HSDL1: variants seen among roughly 807,000 people sequenced by gnomAD.
The protein encoded by HSDL1 is hydroxysteroid dehydrogenase like 1.
In HSDL1, 29 loss-of-function variants were observed where a neutral mutation model predicts 31.5. The ratio of observed to expected loss-of-function variants is 0.92; its 90% confidence interval spans 0.69 to 1.26. The LOEUF (loss-of-function observed/expected upper bound fraction) is 1.26, where lower values mean the gene tolerates loss of function less well. Ranked by LOEUF, HSDL1 falls within the 50% of genes most tolerant of loss-of-function variation. HSDL1 has a pLI of 0.00. For missense variants in HSDL1, 503 were observed against 416.6 expected (o/e 1.21, Z -1.81); for synonymous variants, 222 against 155.2 (o/e 1.43, Z -3.20).
At chr16:84,137,600 C>T (rs1485655510) in intron 1 of HSDL1, among the ~76,000 whole-genome samples, 3 of 152,198 alleles carry the variant, frequency 2.0e-5, no homozygotes, top group Non-Finnish European at 2.9e-5. Context: ...CTCTGCTGCT[C>T]CTCAGCCTTG....
intron 1 of HSDL1, among the ~76,000 whole-genome samples, chr16:84,140,409 T>C (rs187743830): frequency 5.3e-4 from 81 of 152,064 alleles, no homozygotes; most frequent in Admixed American, 5.0e-3. Flanking sequence ...GGACTACAGG[T>C]GCCCTCCACC....
chr16:84,138,141 A>G (rs940986882), intron 1 of HSDL1, among the ~76,000 whole-genome samples: 4 of 152,222 alleles, frequency 2.6e-5, no homozygotes, highest in African/African-American at 9.7e-5. Context: ...AGTTCATGGT[A>G]TTTTGTTATA....
intron 1 of HSDL1, among the ~76,000 whole-genome samples, chr16:84,137,874 C>A (rs1034810816): frequency 6.6e-6 from 1 of 152,230 alleles, no homozygotes; most frequent in Non-Finnish European, 1.5e-5. Context: ...AGATAACAAG[C>A]CTCGTCAAAG....
intron 5 of HSDL1, among the ~76,000 whole-genome samples, chr16:84,128,851 G>C (rs2086633930): frequency 6.6e-6 from 1 of 151,892 alleles, no homozygotes; most frequent in Non-Finnish European, 1.5e-5. Flanking sequence ...GGGACTACAG[G>C]CACACACCAC....
chr16:84,130,802 A>C (rs1330455356), intron 3 of HSDL1, among the ~76,000 whole-genome samples: 1 of 152,208 alleles, frequency 6.6e-6, no homozygotes. Flanking sequence ...TGAAAGTGGC[A>C]ACACTTTCAA....
At chr16:84,128,669 A>G (rs1273673432) in intron 5 of HSDL1, among the ~76,000 whole-genome samples, 3 of 151,472 alleles carry the variant, frequency 2.0e-5, no homozygotes, top group Non-Finnish European at 4.4e-5. Context: ...GTAAATACTT[A>G]GTATTTTTAT....
chr16:84,126,742 A>C (rs117694670), intron 5 of HSDL1, among the ~76,000 whole-genome samples: 1 of 152,090 alleles, frequency 6.6e-6, no homozygotes, highest in Non-Finnish European at 1.5e-5. Flanking sequence ...ACACCCACAC[A>C]CACACACACT....
At chr16:84,127,109 T>A (rs1273586331) in intron 5 of HSDL1, among the ~76,000 whole-genome samples, 1 of 152,076 alleles carries the variant, frequency 6.6e-6, no homozygotes, top group Non-Finnish European at 1.5e-5. Flanking sequence ...TCTAAAAAAA[T>A]TTTATGGTCA....
chr16:84,139,883 T>C (rs553894633), intron 1 of HSDL1, among the ~76,000 whole-genome samples: 7 of 152,246 alleles, frequency 4.6e-5, no homozygotes, highest in South Asian at 2.1e-4. Context: ...GCTGTTTTCA[T>C]TGATGAAAAC....
intron 5 of HSDL1, among the ~76,000 whole-genome samples, chr16:84,128,058 G>C (rs1597372435): frequency 6.6e-6 from 1 of 150,934 alleles, no homozygotes; most frequent in East Asian, 2.0e-4. Context: ...GGAGGCCAAG[G>C]CGGGTGGATC....
chr16:84,141,170 T>C (rs76098153), intron 1 of HSDL1, among the ~76,000 whole-genome samples: 37 of 152,316 alleles, frequency 2.4e-4, no homozygotes, highest in African/African-American at 7.9e-4. Flanking sequence ...ATGGACCCTT[T>C]GGTGACTTGT....
At chr16:84,127,770 G>A (rs2086623659) in intron 5 of HSDL1, among the ~76,000 whole-genome samples, 1 of 147,240 alleles carries the variant, frequency 6.8e-6, no homozygotes, top group Non-Finnish European at 1.5e-5. Context: ...CCAGGCTGGA[G>A]TGCAGTGGTG....
At chr16:84,134,126 G>A (rs563039961) in intron 2 of HSDL1, among the ~76,000 whole-genome samples, 3 of 152,140 alleles carry the variant, frequency 2.0e-5, no homozygotes, top group East Asian at 1.9e-4. Flanking sequence ...CCCCCCTTCA[G>A]TGTAGCGAAC....
chr16:84,127,619 T>C (rs905906698), intron 5 of HSDL1, among the ~76,000 whole-genome samples: 11 of 149,966 alleles, frequency 7.3e-5, no homozygotes, highest in Admixed American at 6.0e-4. Context: ...ATACTCTTCA[T>C]GCAAACAGTC....
At chr16:84,136,562 A>G (rs532132944) in intron 1 of HSDL1, among the ~76,000 whole-genome samples, 1 of 152,328 alleles carries the variant, frequency 6.6e-6, no homozygotes, top group African/African-American at 2.4e-5. Context: ...CCTTTACAGA[A>G]AGAAAAGCTT....
intron 1 of HSDL1, among the ~76,000 whole-genome samples, chr16:84,143,146 C>T (rs1482885101): frequency 6.6e-6 from 1 of 152,220 alleles, no homozygotes; most frequent in Non-Finnish European, 1.5e-5. Flanking sequence ...AAAACTCCTG[C>T]TTGCATGTTC....
Position 84,124,621 on chromosome 16 carries a change from C to T in HSDL1, c.*9G>A. ...GAGTTGGCAAAACTTCTCAAGTGGCCATCCAGACTCAGGCTGTGCAGGATA... is the reference window on the plus strand; with the variant it reads ...GAGTTGGCAAAACTTCTCAAGTGGCTATCCAGACTCAGGCTGTGCAGGATA... On this transcript the variant is annotated 3_prime_UTR_variant, in exon 6 of 6. Transcript: ENST00000219439. 1 of 1,588,694 alleles carries T rather than the reference C, an allele frequency of 6.3e-7. No homozygotes were observed.
intron 1 of HSDL1, among the ~76,000 whole-genome samples, chr16:84,137,974 C>A (rs2086728158): frequency 7.2e-6 from 1 of 139,034 alleles, no homozygotes; most frequent in Non-Finnish European, 1.5e-5. Context: ...CCGCCCCACT[C>A]CCTGATTCTT....
chr16:84,128,898 G>A (rs1490156529), intron 5 of HSDL1, among the ~76,000 whole-genome samples: 2 of 151,786 alleles, frequency 1.3e-5, no homozygotes, highest in Admixed American at 6.6e-5. Context: ...AGTACAGACA[G>A]GGTTTCACCA....
Sources: allele counts gnomAD v4.1 joint callset (sites outside exome capture counted in the v4.1 genomes callset), GRCh38; gene constraint gnomAD v4.1.1; transcripts MANE v1.5; gene names NCBI Gene and HGNC (gene_info 2026-07-23, HGNC 2026-07-21).